Variants in BCL11B observed in about 807,000 individuals in gnomAD.
BCL11B encodes B-cell lymphoma/leukemia 11B.
A neutral mutation model predicts 49.9 loss-of-function variants in BCL11B; 8 were observed. The observed-to-expected ratio is 0.16, with a 90% confidence interval of 0.09 to 0.29. The LOEUF is 0.29. Among genes scored for constraint, BCL11B ranks in the 10% least tolerant of loss-of-function variants. BCL11B has a pLI of 1.00. For missense variants in BCL11B, 1,006 were observed against 1,351.0 expected (o/e 0.74, Z 4.00); for synonymous variants, 739 against 637.4 (o/e 1.16, Z -2.40).
intron 3 of BCL11B, among the ~76,000 whole-genome samples, chr14:99,208,546 G>T (rs1887599023): frequency 2.0e-5 from 3 of 152,216 alleles, no homozygotes; most frequent in Admixed American, 2.0e-4. Context: ...CTGCAGACAG[G>T]GAAGCTAACC....
At position 99,187,739 on chromosome 14, in the gene BCL11B, G is replaced by A. The variant is rs1257426; in HGVS notation, c.641-11544C>T. ...GTGTGTAGCTGTTTCTCACTCACAC[G>A]TGGGATCTCAGTCTCCCCAGAAGCA... On this transcript the variant is annotated intron_variant, in intron 3 of 3. Transcript: ENST00000357195. Among the ~76,000 whole-genome samples, 919 of 146,118 alleles carry A rather than the reference G, an allele frequency of 6.3e-3. 7 individuals carry two copies. Among genetic ancestry groups the A allele is most frequent in the African/African-American group, 0.022 (862 of 39,494 alleles).
Position 99,175,678 on chromosome 14 carries a change from G to T in BCL11B, c.1158C>A (p.Asn386Lys). ...TPPPVSPGRG[N>K]PMHRLLNPFQ... The stretch of plus-strand genomic sequence containing the variant: ...AGGGGTTCAGGAGCCGGTGCATAGG[G>T]TTGCCGCGGCCCGGGGACACGGGCG... Residue 386 changes from asparagine (N) to lysine (K), a missense_variant, in exon 4 of 4, where the codon AAC becomes AAA. This residue lies in a region of BCL11B where 97 missense variants were observed against 81.5 expected (regional missense o/e 1.19). Transcript: ENST00000357195. The T allele has an allele frequency of 6.5e-7, 1 of 1,540,542 alleles. No individual in the cohort carries two copies. Among genetic ancestry groups the T allele is most frequent in the Non-Finnish European group, 8.6e-7 (1 of 1,156,762 alleles).
At chr14:99,224,935 G>A (rs1888117240) in intron 3 of BCL11B, among the ~76,000 whole-genome samples, 1 of 152,140 alleles carries the variant, frequency 6.6e-6, no homozygotes, top group Non-Finnish European at 1.5e-5. Flanking sequence ...CACAGGGACA[G>A]GGCAGCCAGC....
chr14:99,227,772 A>G (rs1711681041), intron 3 of BCL11B, among the ~76,000 whole-genome samples: 1 of 152,208 alleles, frequency 6.6e-6, no homozygotes, highest in Non-Finnish European at 1.5e-5. Flanking sequence ...CCAGGAACAC[A>G]GTCTGAGGCT....
rs2139799973 is a variant in BCL11B at position 99,192,393 on chromosome 14, T to C, written c.641-16198A>G. Among the ~76,000 whole-genome samples, 1 of 152,280 alleles carries C rather than the reference T, an allele frequency of 6.6e-6. No homozygotes were observed. Among genetic ancestry groups the C allele is most frequent in the Non-Finnish European group, 1.5e-5 (1 of 68,018 alleles). ...CAGAGCAGGGCTTTCGGGGCCCCGC[T>C]CGCCACAATAGGGACTGTAAACTGG... On this transcript the variant is annotated intron_variant, in intron 3 of 3. Transcript: ENST00000357195. This position sits in a 1 kb window ranked among gnomAD's most constrained non-coding sequence, Gnocchi z 4.0.
rs537827002 is a variant in BCL11B at position 99,207,669 on chromosome 14, C to T, written c.640+23676G>A. On this transcript the variant is annotated intron_variant, in intron 3 of 3. Transcript: ENST00000357195. ...CATGACTTATCAGCCGGCCCAGAGG[C>T]AGGTGCAAGTGCTGCCTGGGGGAGC... Among the ~76,000 whole-genome samples the T allele has an allele frequency of 5.9e-5, 9 of 152,336 alleles. No individual in the cohort carries two copies. The South Asian group carries it at 1.9e-3, about 32-fold the overall frequency.
intron 1 of BCL11B, among the ~76,000 whole-genome samples, chr14:99,261,072 T>C (rs1889323282): frequency 1.3e-5 from 2 of 152,138 alleles, no homozygotes; most frequent in African/African-American, 4.8e-5. Flanking sequence ...GGGTTTCCTC[T>C]CCCCACCACC....
In BCL11B at chr14:99,205,133, T is replaced by C. The variant is rs1225814617; in HGVS notation, c.640+26212A>G. 6.6e-5 allele frequency among the ~76,000 whole-genome samples: 10 copies of C among 152,092 alleles called. No homozygotes were observed. The East Asian group carries it at 1.9e-3, about 29-fold the overall frequency. ...GATCCTTCCTTAATGGAAGCAGCTC[T>C]TTCACAACAGTAGGAAGAGGGAATT... On this transcript the variant is annotated intron_variant, in intron 3 of 3. Coordinates refer to ENST00000357195, the MANE Select transcript of BCL11B (RefSeq NM_138576.4). The surrounding 1 kb of genome is among the most constrained non-coding windows in gnomAD (Gnocchi z 5.0).
In BCL11B at chr14:99,174,887, G is replaced by A; in HGVS notation, c.1949C>T (p.Ala650Val). The change falls in exon 4 of 4, where the codon GCG becomes GTG. Residue 650 changes from alanine to valine, a missense_variant. Transcript: ENST00000357195. ...GAAGCCGCCCCCGCGCCCGTTGACC[G>A]CGCCGCCCGCGCCCGCGTCCCCGCA... The part of the protein sequence containing the change: ...GGCGDAGAGG[A>V]VNGRGGGFAP... The A allele has an allele frequency of 1.9e-6, 2 of 1,072,620 alleles. No homozygotes were observed. The highest frequency in any genetic ancestry group is 2.3e-6 in the Non-Finnish European group (2 of 886,374). The allele number at this position is 1,072,620 out of a possible 1,614,324, so 66.4% of individuals were successfully genotyped here.
intron 2 of BCL11B, among the ~76,000 whole-genome samples, chr14:99,254,732 G>GC (rs1162774699): frequency 2.6e-5 from 4 of 152,270 alleles, no homozygotes; most frequent in Non-Finnish European, 5.9e-5. Context: ...GGGACAGCCG[G>GC]CCCGGGGGCC....
chr14:99,236,360 A>C (rs1888499215), intron 2 of BCL11B, among the ~76,000 whole-genome samples: 1 of 152,222 alleles, frequency 6.6e-6, no homozygotes, highest in Admixed American at 6.5e-5. Context: ...AATAACGTGA[A>C]GTCAAATGCC....
Position 99,175,724 on chromosome 14 carries a change from G to A in BCL11B, c.1112C>T (p.Ala371Val), listed in dbSNP as rs1461212058. Reference sequence around the variant, plus strand: ...GGGCGGCGGCGTGGAGCTGTTGCCCGCCAGCTCGCGGAGCCGCCGCGAGAA... The same window carrying A: ...GGGCGGCGGCGTGGAGCTGTTGCCCACCAGCTCGCGGAGCCGCCGCGAGAA... ...MDFSRRLREL[A>V]GNSSTPPPVS... is the part of the protein sequence containing the mutation. Residue 371 changes from alanine to valine, a missense_variant, in exon 4 of 4, where the codon GCG becomes GTG. This residue lies in a region of BCL11B where 411 missense variants were observed against 542.2 expected (regional missense o/e 0.76). Transcript: ENST00000357195. 2.0e-6 allele frequency: 3 copies of A among 1,484,734 alleles called. No homozygotes were observed. The highest frequency in any genetic ancestry group is 1.5e-5 in the African/African-American group (1 of 67,936). 92.0% of individuals were successfully genotyped at this position (1,484,734 alleles called of 1,614,324 possible). A position where few individuals can be genotyped will look rare whatever the true frequency, so the allele number is the denominator to read the frequency against.
In BCL11B at chr14:99,213,830, C is replaced by T. The variant is rs1887756263; in HGVS notation, c.640+17515G>A. ...CCCCTGGCAAGGGCCCCCCGAGGGGCTGCCCCGTGCGCCCAGGCACAAGGG... is the reference window on the plus strand; with the variant it reads ...CCCCTGGCAAGGGCCCCCCGAGGGGTTGCCCCGTGCGCCCAGGCACAAGGG... On this transcript the variant is annotated intron_variant, in intron 3 of 3. Coordinates refer to ENST00000357195, the MANE Select transcript of BCL11B (RefSeq NM_138576.4). The surrounding 1 kb of genome is among the most constrained non-coding windows in gnomAD (Gnocchi z 5.1). Among the ~76,000 whole-genome samples the T allele has an allele frequency of 6.6e-6, 1 of 152,230 alleles. No homozygotes were observed. The highest frequency in any genetic ancestry group is 1.5e-5 in the Non-Finnish European group (1 of 68,036).
Position 99,242,057 on chromosome 14 carries a change from T to C in BCL11B, c.428-10500A>G, listed in dbSNP as rs896309671. Among the ~76,000 whole-genome samples, 2 of 151,028 alleles carry C rather than the reference T, an allele frequency of 1.3e-5. No individual in the cohort carries two copies. The highest frequency in any genetic ancestry group is 4.9e-5 in the African/African-American group (2 of 40,970). On this transcript the variant is annotated intron_variant, in intron 2 of 3. Coordinates refer to ENST00000357195, the MANE Select transcript of BCL11B (RefSeq NM_138576.4). This position sits in a 1 kb window ranked among gnomAD's most constrained non-coding sequence, Gnocchi z 4.4. ...GTAGAAGGGGACAGGAAAAGGGGAG[T>C]GGGGAGGACATCAGGGAGAGGGAGC... is the stretch of plus-strand genomic sequence containing the variant.
chr14:99,269,875 TAAAAAAAAAAAAAAA>T lies in BCL11B; in HGVS notation c.58+1271_58+1285del, dbSNP rs56659919. Among the ~76,000 whole-genome samples, 34 of 41,234 alleles carry T rather than the reference TAAAAAAAAAAAAAAA, an allele frequency of 8.2e-4. No homozygotes were observed. The South Asian group carries it at 0.013, about 16-fold the overall frequency. The allele number at this position is 41,234 out of a possible 152,430, so 27.1% of individuals were successfully genotyped here. ...GAGGATGTTTTATTTCTATTGCAGT[TAAAAAAAAAAAAAAA>T]AAAAAAAAAAAAAAAAAAAAGGAAC... On this transcript the variant is annotated intron_variant, in intron 1 of 3. Transcript: ENST00000357195.
chr14:99,195,776 C>T lies in BCL11B; in HGVS notation c.641-19581G>A, dbSNP rs1887162738. On this transcript the variant is annotated intron_variant, in intron 3 of 3. Coordinates refer to ENST00000357195, the MANE Select transcript of BCL11B (RefSeq NM_138576.4). The surrounding 1 kb of genome is among the most constrained non-coding windows in gnomAD (Gnocchi z 4.7). ...GCCTCGTCCCAGTCATTCCTGTCAC[C>T]CTTCACCACCCAACACCATCTGACA... Among the ~76,000 whole-genome samples, 1 of 152,118 alleles carries T rather than the reference C, an allele frequency of 6.6e-6. No homozygotes were observed. Among genetic ancestry groups the T allele is most frequent in the Non-Finnish European group, 1.5e-5 (1 of 68,032 alleles).
At chr14:99,244,768 C>T (rs1888775189) in intron 2 of BCL11B, among the ~76,000 whole-genome samples, 1 of 152,202 alleles carries the variant, frequency 6.6e-6, no homozygotes, top group Non-Finnish European at 1.5e-5. Context: ...TTAGCTAAAT[C>T]TGAGATTTTA....
intron 3 of BCL11B, among the ~76,000 whole-genome samples, chr14:99,229,824 C>T (rs1314607443): frequency 6.6e-6 from 1 of 151,952 alleles, no homozygotes; most frequent in Non-Finnish European, 1.5e-5. Context: ...CAGGAAGCCA[C>T]GAGAGCAAGG....
intron 2 of BCL11B, among the ~76,000 whole-genome samples, chr14:99,249,495 A>C (rs79002502): frequency 6.6e-6 from 1 of 152,192 alleles, no homozygotes; most frequent in African/African-American, 2.4e-5. Context: ...TCACCGGACA[A>C]CTGTGCAAGG....
Sources: allele counts gnomAD v4.1 joint callset (sites outside exome capture counted in the v4.1 genomes callset), GRCh38; gene constraint gnomAD v4.1.1; regional missense constraint gnomAD v4.1.1; non-coding constraint Gnocchi (gnomAD v3.1); transcripts MANE v1.5; gene names NCBI Gene and HGNC (gene_info 2026-07-23, HGNC 2026-07-21).